Variants in ANKRD30BL observed in about 807,000 individuals in gnomAD.
The protein encoded by ANKRD30BL is ankyrin repeat domain 30B like.
Under a neutral mutation model 18.4 loss-of-function variants are expected in ANKRD30BL, and 20 were observed. The ratio of observed to expected loss-of-function variants is 1.09; its 90% CI spans 0.77 to 1.58. ANKRD30BL has a LOEUF of 1.58. Ranked by LOEUF, ANKRD30BL falls within the 40% of genes most tolerant of loss-of-function variation. The pLI is 0.00. For missense variants in ANKRD30BL, 224 were observed against 268.6 expected, an observed-to-expected ratio of 0.83 and a Z score of 1.16; for synonymous variants, 72 against 100.9, an observed-to-expected ratio of 0.71 and a Z score of 1.72.
Position 132,154,642 on chromosome 2 carries a change from A to G in ANKRD30BL, c.614+20T>C. 1 of 618,542 alleles carries G rather than the reference A, an allele frequency of 1.6e-6. No homozygotes were observed. The highest frequency in any genetic ancestry group is 2.9e-6 in the Non-Finnish European group (1 of 343,246). The allele number at this position is 618,542 out of a possible 1,614,324, so 38.3% of individuals were successfully genotyped here. A position where few individuals can be genotyped will look rare whatever the true frequency, so the allele number is the denominator to read the frequency against. On this transcript the variant is annotated intron_variant, in intron 4 of 5. Transcript: ENST00000409867. ...CTAGCACACTACTCAAGTGTTTTTT[A>G]ATAAAAAAAACTACTATACCATTTA...
At chr2:132,207,425 T>C (rs934593693) in intron 1 of ANKRD30BL, among the ~76,000 whole-genome samples, 1 of 152,002 alleles carries the variant, frequency 6.6e-6, no homozygotes, top group Non-Finnish European at 1.5e-5. Flanking sequence ...TTGAGCCATC[T>C]CTCTCTAATA....
chr2:132,234,232 A>C (rs141848512), intron 1 of ANKRD30BL, among the ~76,000 whole-genome samples: 16,736 of 152,072 alleles, frequency 0.11, 3,040 homozygotes, highest in African/African-American at 0.38. Flanking sequence ...CAAGAGAAAG[A>C]AGAAAAGATA....
intron 1 of ANKRD30BL, among the ~76,000 whole-genome samples, chr2:132,220,189 A>T (rs1679633048): frequency 6.6e-6 from 1 of 152,226 alleles, no homozygotes; most frequent in Non-Finnish European, 1.5e-5. Flanking sequence ...ATTAGGTAGA[A>T]GCATTCTCAG....
At chr2:132,238,648 G>C (rs1680228095) in intron 1 of ANKRD30BL, among the ~76,000 whole-genome samples, 1 of 152,038 alleles carries the variant, frequency 6.6e-6, no homozygotes, top group Non-Finnish European at 1.5e-5. Flanking sequence ...AGCATTCTCA[G>C]AAACATCTTT....
At chr2:132,257,059 A>T (rs1680872002) in intron 1 of ANKRD30BL, 1 of 511,034 alleles carries the variant, frequency 2.0e-6, no homozygotes. Flanking sequence ...CCCGCCTAGG[A>T]TGCCGGACGG....
At chr2:132,216,900 A>G (rs76573107) in intron 1 of ANKRD30BL, among the ~76,000 whole-genome samples, 1 of 149,608 alleles carries the variant, frequency 6.7e-6, no homozygotes, top group Non-Finnish European at 1.5e-5. Context: ...GCTTCGAGGC[A>G]TTCGTTGGAA....
intron 1 of ANKRD30BL, among the ~76,000 whole-genome samples, chr2:132,239,822 CT>C (rs1558734431): frequency 6.6e-6 from 1 of 151,794 alleles, no homozygotes; most frequent in African/African-American, 2.4e-5. Flanking sequence ...CACATAAAAA[CT>C]ATACAGAAGC....
At chr2:132,213,570 T>C (rs1679411711) in intron 1 of ANKRD30BL, among the ~76,000 whole-genome samples, 1 of 152,376 alleles carries the variant, frequency 6.6e-6, no homozygotes, top group Non-Finnish European at 1.5e-5. Context: ...ATTGAGCAGC[T>C]TTGAAAAACT....
In ANKRD30BL at chr2:132,161,466, C is replaced by T. The variant is rs546886236; in HGVS notation, c.218+22G>A. The T allele has an allele frequency of 5.9e-5, 86 of 1,446,298 alleles. No homozygotes were observed. In the South Asian group the frequency reaches 9.1e-4, roughly 15 times the overall value. 89.6% of individuals were successfully genotyped at this position (1,446,298 alleles called of 1,614,324 possible). A position where few individuals can be genotyped will look rare whatever the true frequency, so the allele number is the denominator to read the frequency against. Reference sequence around the variant, plus strand: ...CAGCCTCCTCCTCCTCCTGCAGCCCCGGCTCAGGCAGGGCCTGGTACCTCT... The same window carrying T: ...CAGCCTCCTCCTCCTCCTGCAGCCCTGGCTCAGGCAGGGCCTGGTACCTCT... On this transcript the variant is annotated intron_variant, in intron 1 of 5. Coordinates refer to ENST00000409867, the MANE Select transcript of ANKRD30BL (RefSeq NM_001358416.1).
At chr2:132,173,713 C>G (rs2104942761) in intron 1 of ANKRD30BL, among the ~76,000 whole-genome samples, 1 of 152,066 alleles carries the variant, frequency 6.6e-6, no homozygotes, top group African/African-American at 2.4e-5. Context: ...CTGATTTCCT[C>G]AGGAATAAGT....
At chr2:132,224,871 T>C (rs1377304662) in intron 1 of ANKRD30BL, among the ~76,000 whole-genome samples, 1 of 151,816 alleles carries the variant, frequency 6.6e-6, no homozygotes, top group African/African-American at 2.4e-5. Flanking sequence ...TGAATTAAAA[T>C]CACAGAGTTG....
At chr2:132,237,571 T>C (rs370604420) in intron 1 of ANKRD30BL, among the ~76,000 whole-genome samples, 1 of 151,988 alleles carries the variant, frequency 6.6e-6, no homozygotes, top group Non-Finnish European at 1.5e-5. Context: ...AATTTGCAAG[T>C]GGATATTCGG....
intron 1 of ANKRD30BL, 85 bp from the exon 2 acceptor site, chr2:132,157,508 A>G: frequency 4.3e-6 from 2 of 463,344 alleles, no homozygotes; most frequent in Non-Finnish European, 3.9e-6. Flanking sequence ...AACATTAAAT[A>G]CCATGCTCTT....
intron 1 of ANKRD30BL, among the ~76,000 whole-genome samples, chr2:132,220,312 C>CTG (rs1679639024): frequency 8.4e-6 from 1 of 119,170 alleles, no homozygotes; most frequent in Non-Finnish European, 1.7e-5. Flanking sequence ...GTCCCTCTCC[C>CTG]TCTCCCTCTC....
intron 1 of ANKRD30BL, among the ~76,000 whole-genome samples, chr2:132,225,251 A>G (rs1385783321): frequency 2.0e-5 from 3 of 151,944 alleles, no homozygotes; most frequent in African/African-American, 7.3e-5. Context: ...CAGGTTTGAA[A>G]CACTTTTTTT....
intron 1 of ANKRD30BL, among the ~76,000 whole-genome samples, chr2:132,202,678 T>C (rs1324632042): frequency 6.6e-6 from 1 of 152,182 alleles, no homozygotes; most frequent in Non-Finnish European, 1.5e-5. Context: ...TACCTCCATA[T>C]GTATGTATGT....
intron 1 of ANKRD30BL, among the ~76,000 whole-genome samples, chr2:132,215,211 G>C (rs1234005573): frequency 6.6e-6 from 1 of 152,204 alleles, no homozygotes; most frequent in Non-Finnish European, 1.5e-5. Flanking sequence ...GAAGCATTCT[G>C]AGAAACATCT....
Position 132,228,023 on chromosome 2 carries a change from G to C in ANKRD30BL, n.441+29506C>G, listed in dbSNP as rs4063207. ...CTTTTGATTGAGCAGTTTTGAAACT[G>C]TCTTTTTGTTGAATGGGGAAGTGGA... On this transcript the variant is annotated intron_variant and non_coding_transcript_variant, in intron 1 of 4. Coordinates refer to the ANKRD30BL transcript ENST00000470729. Among the ~76,000 whole-genome samples the C allele has an allele frequency of 8.5e-5, 13 of 152,070 alleles. No individual in the cohort carries two copies. The South Asian group carries it at 2.5e-3, about 29-fold the overall frequency.
intron 4 of ANKRD30BL, chr2:132,153,776 A>G: frequency 1.7e-6 from 1 of 596,844 alleles, no homozygotes; most frequent in Admixed American, 2.7e-5. Context: ...AACCATTTAC[A>G]TGTATTAACA....
Sources: allele counts gnomAD v4.1 joint callset (sites outside exome capture counted in the v4.1 genomes callset), GRCh38; gene constraint gnomAD v4.1.1; transcripts MANE v1.5; gene names NCBI Gene and HGNC (gene_info 2026-07-23, HGNC 2026-07-21).